C8orf34: variants seen among roughly 807,000 people sequenced by gnomAD.
C8orf34 encodes the protein uncharacterized protein C8orf34.
In C8orf34, 65 loss-of-function variants were observed where a neutral mutation model predicts 68.3. That is an observed-to-expected ratio of 0.95 (90% CI 0.78 to 1.17). C8orf34 has a LOEUF of 1.17. C8orf34 is among the 50% of genes most tolerant of loss of function. The pLI is 0.00. For synonymous variants in C8orf34, 244 were observed against 241.2 expected, an observed-to-expected ratio of 1.01 and a Z score of -0.11; for missense variants, 664 against 655.4, an observed-to-expected ratio of 1.01 and a Z score of -0.14.
At chr8:68,583,769 A>T (rs1268745502) in intron 7 of C8orf34, among the ~76,000 whole-genome samples, 2 of 152,156 alleles carry the variant, frequency 1.3e-5, no homozygotes, top group Non-Finnish European at 2.9e-5. Flanking sequence ...AATTAGAGCA[A>T]ATTTGAAGTT....
intron 5 of C8orf34, among the ~76,000 whole-genome samples, chr8:68,509,069 G>A (rs929615396): frequency 6.6e-6 from 1 of 152,084 alleles, no homozygotes; most frequent in Non-Finnish European, 1.5e-5. Flanking sequence ...TCTCCCACCT[G>A]GCTTTCTCAT....
At chr8:68,712,758 C>G (rs1821361412) in intron 9 of C8orf34, among the ~76,000 whole-genome samples, 2 of 151,960 alleles carry the variant, frequency 1.3e-5, no homozygotes, top group Admixed American at 1.3e-4. Context: ...GACTTTAATA[C>G]CCCACTGACA....
chr8:68,635,198 A>G (rs1162869602), intron 7 of C8orf34, among the ~76,000 whole-genome samples: 1 of 152,218 alleles, frequency 6.6e-6, no homozygotes, highest in Non-Finnish European at 1.5e-5. Context: ...CCTTCTTTAC[A>G]TATGTCAAAC....
chr8:68,711,651 C>T (rs1003707258), intron 9 of C8orf34, among the ~76,000 whole-genome samples: 2 of 152,022 alleles, frequency 1.3e-5, no homozygotes, highest in African/African-American at 4.8e-5. Context: ...TGAACAAAGC[C>T]TCCAATGAAC....
chr8:68,458,984 C>A (rs879571003), intron 3 of C8orf34, among the ~76,000 whole-genome samples: 3 of 152,162 alleles, frequency 2.0e-5, no homozygotes, highest in Non-Finnish European at 4.4e-5. Context: ...CTTCACTTGT[C>A]TCCCATCAAA....
At chr8:68,808,397 A>C (rs554244359) in intron 12 of C8orf34, among the ~76,000 whole-genome samples, 2 of 152,190 alleles carry the variant, frequency 1.3e-5, no homozygotes, top group South Asian at 4.1e-4. Flanking sequence ...TTTGCCAAAC[A>C]TAGTATGTGC....
intron 8 of C8orf34, among the ~76,000 whole-genome samples, chr8:68,651,261 T>C (rs544975856): frequency 6.6e-6 from 1 of 152,326 alleles, no homozygotes; most frequent in South Asian, 2.1e-4. Flanking sequence ...GGAAAGGTGA[T>C]CTTCCTAGTC....
At chr8:68,780,273 A>G (rs974565133) in intron 11 of C8orf34, among the ~76,000 whole-genome samples, 5 of 152,190 alleles carry the variant, frequency 3.3e-5, no homozygotes, top group Non-Finnish European at 7.4e-5. Context: ...CATGCTCGAA[A>G]AATGACTTGT....
intron 10 of C8orf34, among the ~76,000 whole-genome samples, chr8:68,738,221 A>G (rs1822178024): frequency 6.6e-6 from 1 of 152,182 alleles, no homozygotes; most frequent in African/African-American, 2.4e-5. Flanking sequence ...AATGAAATTA[A>G]GGCAGAAATC....
chr8:68,765,682 G>T (rs1823151753), intron 10 of C8orf34, among the ~76,000 whole-genome samples: 1 of 152,102 alleles, frequency 6.6e-6, no homozygotes. Context: ...GCTGTTAATG[G>T]TATCAGCTGC....
intron 7 of C8orf34, among the ~76,000 whole-genome samples, chr8:68,606,296 T>C (rs559587954): frequency 3.3e-5 from 5 of 152,126 alleles, no homozygotes; most frequent in Non-Finnish European, 5.9e-5. Context: ...GGTGCAGGAA[T>C]TGTGTCTTAC....
intron 1 of C8orf34, among the ~76,000 whole-genome samples, chr8:68,428,945 A>T (rs1810340923): frequency 2.6e-5 from 4 of 152,164 alleles, no homozygotes; most frequent in Non-Finnish European, 5.9e-5. Context: ...TTGACTTTAG[A>T]TGCTTTGCAG....
At chr8:68,667,823 G>T (rs1819886454) in intron 8 of C8orf34, among the ~76,000 whole-genome samples, 1 of 152,124 alleles carries the variant, frequency 6.6e-6, no homozygotes, top group Non-Finnish European at 1.5e-5. Context: ...ACAGTTCAGG[G>T]TAAATGTTTC....
intron 5 of C8orf34, among the ~76,000 whole-genome samples, chr8:68,489,367 G>C (rs1813213183): frequency 6.6e-6 from 1 of 152,156 alleles, no homozygotes; most frequent in Non-Finnish European, 1.5e-5. Flanking sequence ...GTATTGTACA[G>C]GTTGCATACA....
intron 13 of C8orf34, among the ~76,000 whole-genome samples, chr8:68,817,253 T>C (rs1262140681): frequency 6.6e-6 from 1 of 152,152 alleles, no homozygotes; most frequent in Non-Finnish European, 1.5e-5. Flanking sequence ...TAAGTATGCA[T>C]ATCAGGAGAG....
At chr8:68,637,092 T>G (rs188574550) in intron 7 of C8orf34, among the ~76,000 whole-genome samples, 1 of 152,310 alleles carries the variant, frequency 6.6e-6, no homozygotes, top group African/African-American at 2.4e-5. Flanking sequence ...TAGCAAGAAG[T>G]ATCAGCAATG....
chr8:68,462,606 G>A (rs992833735), intron 3 of C8orf34, among the ~76,000 whole-genome samples: 2 of 151,844 alleles, frequency 1.3e-5, no homozygotes, highest in Non-Finnish European at 2.9e-5. Flanking sequence ...AGACCACAGT[G>A]CAATCAAACT....
At chr8:68,466,048 A>AG (rs1812116896) in intron 3 of C8orf34, among the ~76,000 whole-genome samples, 1 of 151,500 alleles carries the variant, frequency 6.6e-6, no homozygotes, top group Non-Finnish European at 1.5e-5. Context: ...TTTAAAAAAA[A>AG]AAACAATGAA....
chr8:68,710,681 G>A (rs1207272245), intron 9 of C8orf34, among the ~76,000 whole-genome samples: 1 of 152,184 alleles, frequency 6.6e-6, no homozygotes, highest in Non-Finnish European at 1.5e-5. Context: ...CCAACTGGTG[G>A]TCTTTCTTTA....
Sources: gnomAD v4.1 joint callset for allele counts (sites outside exome capture counted in the v4.1 genomes callset) on GRCh38, gnomAD v4.1.1 for gene constraint, MANE v1.5 for transcripts, NCBI Gene and HGNC (gene_info 2026-07-23, HGNC 2026-07-21) for gene names.